MINAR1: variants seen among roughly 807,000 people sequenced by gnomAD.
MINAR1 encodes major intrinsically disordered Notch2-binding receptor 1.
In MINAR1, 40 loss-of-function variants were observed where a neutral mutation model predicts 65.1. The ratio of observed to expected loss-of-function variants is 0.61; its 90% confidence interval spans 0.48 to 0.80. The LOEUF (loss-of-function observed/expected upper bound fraction) is 0.80, where lower values mean the gene tolerates loss of function less well. Among genes scored for constraint, MINAR1 ranks in the 30% least tolerant of loss-of-function variants. The pLI is 0.00. For synonymous variants in MINAR1, 482 were observed against 449.1 expected (o/e 1.07, Z -0.93); for missense variants, 1,128 against 1,148.0 (o/e 0.98, Z 0.25).
chr15:79,436,080 G>A (rs1894590983), intron 1 of MINAR1, among the ~76,000 whole-genome samples: 1 of 152,224 alleles, frequency 6.6e-6, no homozygotes, highest in South Asian at 2.1e-4. Flanking sequence ...GAAAGTGGCT[G>A]CTCCTCCCTC....
chr15:79,461,180 G>A (rs879558847), intron 2 of MINAR1, among the ~76,000 whole-genome samples: 3 of 152,186 alleles, frequency 2.0e-5, no homozygotes, highest in South Asian at 4.1e-4. Context: ...TCAGTGATAC[G>A]AACAGGCATG....
rs779813346 is a variant in MINAR1, at chr15:79,457,580, C to T, written c.1433C>T (p.Thr478Ile). 14 of 1,614,176 alleles carry T rather than the reference C, an allele frequency of 8.7e-6. No homozygotes were observed. The highest frequency in any genetic ancestry group is 1.2e-5 in the Non-Finnish European group (14 of 1,180,032). Residue 478 changes from threonine to isoleucine, a missense_variant, in exon 2 of 4, where the codon ACT becomes ATT. Transcript: ENST00000305428. The stretch of plus-strand genomic sequence containing the variant: ...GACACCAGTAGCGTGGGCACCCAGA[C>T]TGAGCACGTGCTGGAGCCCAAGAAA... ...SSDTSSVGTQ[T>I]EHVLEPKKCR...
chr15:79,441,425 A>G (rs1039344363), intron 1 of MINAR1, among the ~76,000 whole-genome samples: 4 of 152,200 alleles, frequency 2.6e-5, no homozygotes. Flanking sequence ...TAATGGCTAC[A>G]TGGTATTCTA....
Position 79,468,636 on chromosome 15 carries a change from T to TCAATAAATA in MINAR1, c.*254_*255insATAAATACA. 2.0e-6 allele frequency: 1 copy of TCAATAAATA among 489,714 alleles called. No individual in the cohort carries two copies. Among genetic ancestry groups the TCAATAAATA allele is most frequent in the Non-Finnish European group, 3.6e-6 (1 of 274,694 alleles). 30.3% of individuals were successfully genotyped at this position (489,714 alleles called of 1,614,324 possible). The stretch of plus-strand genomic sequence containing the variant: ...AATATCTTTTCCTACCAAAAGAACA[T>TCAATAAATA]CATGGACTATCAATAAATACAAATT... On this transcript the variant is annotated 3_prime_UTR_variant, in exon 4 of 4. Coordinates refer to ENST00000305428, the MANE Select transcript of MINAR1 (RefSeq NM_015206.3).
upstream of MINAR1, among the ~76,000 whole-genome samples, chr15:79,432,269 G>A (rs1318140069): frequency 6.6e-6 from 1 of 152,096 alleles, no homozygotes; most frequent in Non-Finnish European, 1.5e-5. Context: ...CAGCCGCGGC[G>A]CGCTGGCCCT....
chr15:79,432,275 G>A (rs1405038856), upstream of MINAR1, among the ~76,000 whole-genome samples: 1 of 152,114 alleles, frequency 6.6e-6, no homozygotes, highest in Non-Finnish European at 1.5e-5. Context: ...CGGCGCGCTG[G>A]CCCTGGCCGG....
chr15:79,470,378 G>C lies in MINAR1; in HGVS notation c.*1994G>C, dbSNP rs1277651909. The C allele has an allele frequency of 6.6e-6, 1 of 152,210 alleles. No individual in the cohort carries two copies. The highest frequency in any genetic ancestry group is 1.5e-5 in the Non-Finnish European group (1 of 68,056). 9.4% of individuals were successfully genotyped at this position (152,210 alleles called of 1,614,324 possible). A position where few individuals can be genotyped will look rare whatever the true frequency, so the allele number is the denominator to read the frequency against. ...CACTATTCTCCTCTTTATCACAGATGAAGTGCCAGAGCATCAGAGATAGGT... is the reference window on the plus strand; with the variant it reads ...CACTATTCTCCTCTTTATCACAGATCAAGTGCCAGAGCATCAGAGATAGGT... On this transcript the variant is annotated 3_prime_UTR_variant, in exon 4 of 4. Coordinates refer to ENST00000305428, the MANE Select transcript of MINAR1 (RefSeq NM_015206.3).
intron 3 of MINAR1, among the ~76,000 whole-genome samples, chr15:79,467,133 A>G (rs1376389057): frequency 1.3e-5 from 2 of 152,218 alleles, no homozygotes; most frequent in Non-Finnish European, 2.9e-5. Flanking sequence ...ATGCATTAGA[A>G]TCATCACTGT....
At chr15:79,421,251 C>T in the MINAR1 span, 1 of 151,980 alleles carries the variant, frequency 6.6e-6, no homozygotes, top group African/African-American at 2.4e-5. Flanking sequence ...GAATACTTAC[C>T]CTGATTTGTG....
At chr15:79,466,013 A>AGGGAAGAGGCTTCTGGGGCTC (rs1346017750) in intron 3 of MINAR1, among the ~76,000 whole-genome samples, 1 of 152,044 alleles carries the variant, frequency 6.6e-6, no homozygotes, top group African/African-American at 2.4e-5. Flanking sequence ...TGGGAAGCTC[A>AGGGAAGAGGCTTCTGGGGCTC]GGGAAGAGGC....
chr15:79,466,518 T>G (rs1226012056), intron 3 of MINAR1, among the ~76,000 whole-genome samples: 1 of 152,140 alleles, frequency 6.6e-6, no homozygotes, highest in Non-Finnish European at 1.5e-5. Flanking sequence ...TCATAAAATA[T>G]TCTTTTGATT....
chr15:79,432,404 C>T lies in MINAR1; in HGVS notation c.-187C>T, dbSNP rs2141272157. 1 of 152,408 alleles carries T rather than the reference C, an allele frequency of 6.6e-6. No individual in the cohort carries two copies. The highest frequency in any genetic ancestry group is 1.9e-4 in the East Asian group (1 of 5,164). The allele number at this position is 152,408 out of a possible 1,614,324, so 9.4% of individuals were successfully genotyped here. On this transcript the variant is annotated 5_prime_UTR_variant, in exon 1 of 4. Transcript: ENST00000305428. Reference sequence around the variant, plus strand: ...GGGGTGCAACCCTGGGCGCGGAATCCGGGCTGCCGGGTGACAGTGACCAGC... The same window carrying T: ...GGGGTGCAACCCTGGGCGCGGAATCTGGGCTGCCGGGTGACAGTGACCAGC...
At chr15:79,436,408 G>A (rs1400610078) in intron 1 of MINAR1, among the ~76,000 whole-genome samples, 2 of 152,206 alleles carry the variant, frequency 1.3e-5, no homozygotes, top group African/African-American at 4.8e-5. Context: ...ATATACTCAG[G>A]TTAGTCTTTT....
chr15:79,441,931 CCTTT>C (rs1434707722), intron 1 of MINAR1, among the ~76,000 whole-genome samples: 36 of 152,012 alleles, frequency 2.4e-4, no homozygotes, highest in African/African-American at 8.4e-4. Flanking sequence ...TCTTTGCCTT[CCTTT>C]CTTTGTAAAT....
chr15:79,459,437 T>C (rs780971826), intron 2 of MINAR1, among the ~76,000 whole-genome samples: 8 of 152,220 alleles, frequency 5.3e-5, no homozygotes, highest in Non-Finnish European at 1.2e-4. Flanking sequence ...ATGGGACCTG[T>C]GGCCCATCCT....
chr15:79,417,497 T>G, the MINAR1 span: 2 of 152,182 alleles, frequency 1.3e-5, no homozygotes, highest in Non-Finnish European at 2.9e-5. Context: ...GTGTCTGACT[T>G]TGTGTGGTAA....
chr15:79,416,514 C>T, the MINAR1 span: 1 of 152,148 alleles, frequency 6.6e-6, no homozygotes, highest in Non-Finnish European at 1.5e-5. Flanking sequence ...TTAATAATGG[C>T]AATCCAGTCT....
intron 1 of MINAR1, among the ~76,000 whole-genome samples, chr15:79,437,774 G>GC (rs1231044458): frequency 2.0e-5 from 2 of 99,300 alleles, no homozygotes; most frequent in Non-Finnish European, 2.1e-5. Context: ...GTGTGAGTGG[G>GC]GTGGGTAGTG....
At chr15:79,458,567 TC>T in intron 2 of MINAR1, 122 bp downstream of exon 2, 2 of 1,250,192 alleles carry the variant, frequency 1.6e-6, no homozygotes, top group Non-Finnish European at 1.1e-6. Flanking sequence ...CAGTCATCCT[TC>T]CAGGTTTGGC....
Sources: allele counts gnomAD v4.1 joint callset (sites outside exome capture counted in the v4.1 genomes callset), GRCh38; gene constraint gnomAD v4.1.1; transcripts MANE v1.5; gene names NCBI Gene and HGNC (gene_info 2026-07-23, HGNC 2026-07-21).